The following TNRC18 variants were observed in gnomAD, a reference collection of about 807,000 sequenced individuals.
TNRC18 encodes trinucleotide repeat-containing gene 18 protein.
In TNRC18, 69 loss-of-function variants were observed where a neutral mutation model predicts 226.7. That is an observed-to-expected ratio of 0.30 (90% CI 0.25 to 0.37). The LOEUF is 0.37. Ranked by LOEUF, TNRC18 falls within the 10% of genes least tolerant of loss-of-function variation. The pLI is 1.00. For missense variants in TNRC18, 4,754 were observed against 4,256.6 expected, an observed-to-expected ratio of 1.12 and a Z score of -3.25; for synonymous variants, 2,449 against 1,927.6, an observed-to-expected ratio of 1.27 and a Z score of -7.09.
intron 19 of TNRC18, among the ~76,000 whole-genome samples, chr7:5,328,755 C>A (rs188884683): frequency 1.3e-5 from 2 of 152,096 alleles, no homozygotes; most frequent in Admixed American, 6.6e-5. Flanking sequence ...CGTGATCCAC[C>A]CGCCTCGGCC....
At chr7:5,350,258 G>C (rs570695454) in intron 17 of TNRC18, among the ~76,000 whole-genome samples, 2 of 152,208 alleles carry the variant, frequency 1.3e-5, no homozygotes, top group South Asian at 4.1e-4. Context: ...CTCGGTCCGG[G>C]GTGGTGTTCG....
chr7:5,374,201 C>A lies in TNRC18; in HGVS notation c.3083G>T (p.Ser1028Ile). Residue 1028 changes from serine (S) to isoleucine (I), a missense_variant, in exon 10 of 30, where the codon AGC (serine) becomes ATC (isoleucine). Physicochemically the swap from Ser to Ile is moderately radical, Grantham distance 142 (BLOSUM62 -2). Transcript: ENST00000430969. ...PPAYAYPATP[S>I]SHPTSPPPAS... ...GGGCGGCGGGCTGGTGGGGTGGGAG[C>A]TGGGGGTGGCGGGGTAGGCGTAGGC... 1 of 738,490 alleles carries A rather than the reference C, an allele frequency of 1.4e-6. No individual in the cohort carries two copies. The highest frequency in any genetic ancestry group is 1.6e-6 in the Non-Finnish European group (1 of 618,636). 45.7% of individuals were successfully genotyped at this position (738,490 alleles called of 1,614,324 possible).
chr7:5,342,283 G>A (rs1051417890), intron 18 of TNRC18, among the ~76,000 whole-genome samples: 5 of 152,140 alleles, frequency 3.3e-5, no homozygotes, highest in African/African-American at 9.7e-5. Context: ...ACAAAAATCT[G>A]CCAGGTGTGG....
rs1287977566 is a variant in TNRC18, at chr7:5,309,130, A to C, written c.8625+2T>G. The C allele has an allele frequency of 6.2e-7, 1 of 1,606,056 alleles. No individual in the cohort carries two copies. Among genetic ancestry groups the C allele is most frequent in the African/African-American group, 1.3e-5 (1 of 74,702 alleles). ...GGGGCCGCAGCCGGGCCGCAGGCTCACCTGGCCCTGGTGGAACTGCTTGCC... is the reference window on the plus strand; with the variant it reads ...GGGGCCGCAGCCGGGCCGCAGGCTCCCCTGGCCCTGGTGGAACTGCTTGCC... On this transcript the variant is annotated splice_donor_variant, in intron 28 of 29. Transcript: ENST00000430969. LOFTEE classifies it high-confidence loss of function. The surrounding 1 kb of genome is among the most constrained non-coding windows in gnomAD (Gnocchi z 5.7).
chr7:5,329,317 G>A (rs77062195), intron 19 of TNRC18, among the ~76,000 whole-genome samples: 1 of 150,594 alleles, frequency 6.6e-6, no homozygotes, highest in Non-Finnish European at 1.5e-5. Flanking sequence ...AAAAAAAAAA[G>A]ATAGAAAATA....
chr7:5,376,420 G>A lies in TNRC18; in HGVS notation c.2609-196C>T, dbSNP rs563326393. 3.1e-4 allele frequency among the ~76,000 whole-genome samples: 47 copies of A among 152,268 alleles called. 1 individual carries two copies. The highest frequency in any genetic ancestry group is 9.4e-4 in the African/African-American group (39 of 41,562). ...TGGGCCACGTGTGCACCCCAGGCCC[G>A]GGGAACACAGCCCTGTCCACACCCG... On this transcript the variant is annotated intron_variant, in intron 8 of 29. Coordinates refer to ENST00000430969, the MANE Select transcript of TNRC18 (RefSeq NM_001080495.3).
chr7:5,421,770 C>T (rs1186900263), intron 1 of TNRC18, among the ~76,000 whole-genome samples: 2 of 152,184 alleles, frequency 1.3e-5, no homozygotes, highest in African/African-American at 4.8e-5. Flanking sequence ...CGGCGGCTGC[C>T]GGGTCCTCCC....
At chr7:5,380,354 G>C (rs1779313258) in intron 5 of TNRC18, among the ~76,000 whole-genome samples, 1 of 152,256 alleles carries the variant, frequency 6.6e-6, no homozygotes, top group African/African-American at 2.4e-5. Flanking sequence ...GCTGAGGCAG[G>C]AGGATGGCTT....
At chr7:5,357,575 C>T (rs972728733) in intron 15 of TNRC18, among the ~76,000 whole-genome samples, 11 of 152,210 alleles carry the variant, frequency 7.2e-5, no homozygotes, top group Non-Finnish European at 1.5e-4. Context: ...GCCTCGACCT[C>T]TGGGCTCTGT....
chr7:5,341,248 A>G (rs372539052), intron 18 of TNRC18, among the ~76,000 whole-genome samples: 23 of 102,214 alleles, frequency 2.3e-4, no homozygotes, highest in Admixed American at 1.2e-3. Flanking sequence ...TGTCTCTACT[A>G]AAAAAAAAAA....
intron 15 of TNRC18, 129 bp downstream of exon 15, chr7:5,359,269 A>T: frequency 1.0e-6 from 1 of 966,732 alleles, no homozygotes; most frequent in Non-Finnish European, 1.6e-6. Context: ...TCATTCCGGC[A>T]TTGAAGACAA....
chr7:5,354,891 T>C (rs1411033452), intron 16 of TNRC18, among the ~76,000 whole-genome samples: 1 of 152,224 alleles, frequency 6.6e-6, no homozygotes, highest in East Asian at 1.9e-4. Flanking sequence ...TTTTATTTCC[T>C]TAAGAAAACA....
chr7:5,376,796 G>A (rs777482075), intron 8 of TNRC18, 51 bp downstream of exon 8: 119 of 1,583,656 alleles, frequency 7.5e-5, no homozygotes, highest in South Asian at 3.6e-4. Flanking sequence ...AGACCATCTC[G>A]CTGGGCATGG....
chr7:5,408,211 A>C (rs1285229795), intron 2 of TNRC18, among the ~76,000 whole-genome samples: 2 of 151,634 alleles, frequency 1.3e-5, no homozygotes, highest in Non-Finnish European at 2.9e-5. Context: ...AGGCAGGGGA[A>C]TCTCTTGAAC....
chr7:5,352,208 T>G, intron 16 of TNRC18, 114 bp from the exon 17 acceptor site: 2 of 1,114,048 alleles, frequency 1.8e-6, no homozygotes, highest in East Asian at 5.2e-5. Flanking sequence ...AACAAACAGG[T>G]CCGAATACCT....
chr7:5,406,415 TTGCGCCACTGCAC>T (rs1366710892), intron 2 of TNRC18, among the ~76,000 whole-genome samples: 1 of 152,052 alleles, frequency 6.6e-6, no homozygotes, highest in Non-Finnish European at 1.5e-5. Flanking sequence ...TGAGCCGAGA[TTGCGCCACTGCAC>T]TGCAGCCTGG....
chr7:5,350,402 G>A (rs1791663249), intron 17 of TNRC18, among the ~76,000 whole-genome samples: 1 of 143,866 alleles, frequency 7.0e-6, no homozygotes, highest in African/African-American at 2.5e-5. Context: ...CGGTAGACCA[G>A]GAATTCAAGA....
chr7:5,420,759 A>C (rs1782519757), intron 2 of TNRC18: 1 of 629,156 alleles, frequency 1.6e-6, no homozygotes, highest in African/African-American at 1.8e-5. Context: ...ACTCCAGCCC[A>C]GGCTCGTGCC....
chr7:5,394,408 G>A lies in TNRC18; in HGVS notation c.343+32C>T. On this transcript the variant is annotated intron_variant, in intron 3 of 29. Transcript: ENST00000430969. This position sits in a 1 kb window ranked among gnomAD's most constrained non-coding sequence, Gnocchi z 4.5. ...GAGTGGCTGGGACGTCAGCCCAGCA[G>A]CCCTCAGCCCCGACCCCGGCATGTT... The A allele has an allele frequency of 2.0e-6, 3 of 1,490,434 alleles. No individual in the cohort carries two copies. The highest frequency in any genetic ancestry group is 1.3e-5 in the South Asian group (1 of 76,188). The allele number at this position is 1,490,434 out of a possible 1,614,324, so 92.3% of individuals were successfully genotyped here.
Sources: allele counts gnomAD v4.1 joint callset (sites outside exome capture counted in the v4.1 genomes callset), GRCh38; gene constraint gnomAD v4.1.1; non-coding constraint Gnocchi (gnomAD v3.1); transcripts MANE v1.5; gene names NCBI Gene and HGNC (gene_info 2026-07-23, HGNC 2026-07-21).